Variants in ZNF587 observed in about 807,000 individuals in gnomAD.
ZNF587 encodes zinc finger protein 587.
ZNF587 carries 8 observed loss-of-function variants against 7.5 expected under a neutral mutation model. That is an observed-to-expected ratio of 1.06 (90% CI 0.62 to 1.92). The LOEUF (loss-of-function observed/expected upper bound fraction) is 1.92, where lower values mean the gene tolerates loss of function less well. Ranked by LOEUF, ZNF587 falls within the 40% of genes most tolerant of loss-of-function variation. The pLI, the probability that ZNF587 is intolerant of heterozygous loss-of-function variation, is 0.00. For synonymous variants in ZNF587, 145 were observed against 237.8 expected, an observed-to-expected ratio of 0.61 and a Z score of 3.59; for missense variants, 468 against 692.8, an observed-to-expected ratio of 0.68 and a Z score of 3.64.
chr19:57,860,442 T>C lies in ZNF587; in HGVS notation c.*302T>C, dbSNP rs989552607. On this transcript the variant is annotated 3_prime_UTR_variant, in exon 3 of 3. Transcript: ENST00000339656. ...CACCACCACGCCCAGCTAATTTTTG[T>C]GTTTTTAGTGGAGATGGGGTTTTAC... 1 of 425,450 alleles carries C rather than the reference T, an allele frequency of 2.4e-6. No individual in the cohort carries two copies. Among genetic ancestry groups the C allele is most frequent in the Non-Finnish European group, 4.2e-6 (1 of 235,446 alleles). 26.4% of individuals were successfully genotyped at this position (425,450 alleles called of 1,614,324 possible). A position where few individuals can be genotyped will look rare whatever the true frequency, so the allele number is the denominator to read the frequency against.
At chr19:57,851,922 T>G (rs1163905405) in intron 1 of ZNF587, 1 of 160,634 alleles carries the variant, frequency 6.2e-6, no homozygotes, top group Non-Finnish European at 1.4e-5. Flanking sequence ...CAACCAGCCT[T>G]AGGGTTACCT....
intron 1 of ZNF587, 29 bp from the exon 2 acceptor site, chr19:57,856,075 G>A (rs754120180): frequency 6.2e-7 from 1 of 1,612,312 alleles, no homozygotes; most frequent in Non-Finnish European, 8.5e-7. Context: ...CAGAGGGGCT[G>A]CTTGTGGTTT....
In ZNF587 at chr19:57,859,733, T is replaced by G. The variant is rs752033029; in HGVS notation, c.1321T>G (p.Cys441Gly). 6.2e-7 allele frequency: 1 copy of G among 1,613,750 alleles called. No individual in the cohort carries two copies. The highest frequency in any genetic ancestry group is 8.5e-7 in the Non-Finnish European group (1 of 1,179,902). Reference sequence around the variant, plus strand: ...GGAAAGACCTTACAATTGTAGGGAATGTGGGAAATTATTTAACAGGAAGTA... The same window carrying G: ...GGAAAGACCTTACAATTGTAGGGAAGGTGGGAAATTATTTAACAGGAAGTA... ...TGERPYNCRECGKLFNRKYHL... is the reference protein window; with the variant it reads ...TGERPYNCREGGKLFNRKYHL... The change falls in exon 3 of 3, where the codon TGT becomes GGT. Residue 441 changes from cysteine to glycine, a missense_variant. Physicochemically the swap from Cys to Gly is radical, Grantham distance 159. Transcript: ENST00000339656.
Position 57,858,561 on chromosome 19 carries a change from T to C in ZNF587, c.164-15T>C. The C allele has an allele frequency of 6.2e-7, 1 of 1,603,934 alleles. No homozygotes were observed. The highest frequency in any genetic ancestry group is 8.5e-7 in the Non-Finnish European group (1 of 1,173,682). On this transcript the variant is annotated splice_polypyrimidine_tract_variant and intron_variant, in intron 2 of 2. Coordinates refer to ENST00000339656, the MANE Select transcript of ZNF587 (RefSeq NM_032828.4). ...GGAGGTACTTTGCACTTGACCAGCA[T>C]TTTCTTGCTTTCAGGTTGTTGGTGT...
Position 57,860,074 on chromosome 19 carries a change from A to G in ZNF587, c.1662A>G (p.Gly554=), listed in dbSNP as rs2071415277. The change falls in exon 3 of 3, where the codon GGA becomes GGG. Residue 554 remains glycine (G), a synonymous_variant. Transcript: ENST00000339656. Reference sequence around the variant, plus strand: ...GGCCTTATGAATGCACCAAATGTGGAAAAACATTTCAGCGAAGCTCTACCC... The same window carrying G: ...GGCCTTATGAATGCACCAAATGTGGGAAAACATTTCAGCGAAGCTCTACCC... ...GERPYECTKC[G]KTFQRSSTLL... 2 of 1,613,518 alleles carry G rather than the reference A, an allele frequency of 1.2e-6. No homozygotes were observed. Among genetic ancestry groups the G allele is most frequent in the Non-Finnish European group, 1.7e-6 (2 of 1,179,444 alleles).
At chr19:57,858,476 T>C in intron 2 of ZNF587, 100 bp from the exon 3 acceptor site, 2 of 1,513,180 alleles carry the variant, frequency 1.3e-6, no homozygotes, top group Non-Finnish European at 1.8e-6. Context: ...TGCAAATATT[T>C]CTATAGATTA....
At chr19:57,856,839 CA>C (rs1374009861) in intron 2 of ZNF587, among the ~76,000 whole-genome samples, 27 of 152,074 alleles carry the variant, frequency 1.8e-4, no homozygotes, top group Admixed American at 5.2e-4. Flanking sequence ...GGTGACTGTC[CA>C]AATCGGTAGC....
rs757891299 is a variant in ZNF587 at position 57,859,636 on chromosome 19, T to A, written c.1224T>A (p.Tyr408Ter). 3.7e-6 allele frequency: 6 copies of A among 1,613,954 alleles called. No homozygotes were observed. Among genetic ancestry groups the A allele is most frequent in the Non-Finnish European group, 5.1e-6 (6 of 1,180,036 alleles). ...HQRGHTGERP[Y>*]ECKECGKSFR... is the part of the protein sequence containing the mutation. ...GAGGTCATACTGGAGAAAGGCCCTATGAGTGCAAGGAATGTGGGAAATCAT... is the reference window on the plus strand; with the variant it reads ...GAGGTCATACTGGAGAAAGGCCCTAAGAGTGCAAGGAATGTGGGAAATCAT... The change falls in exon 3 of 3, where the codon TAT (tyrosine) becomes TAA (stop). Residue 408 changes from tyrosine (Y) to a stop codon, truncating the protein, a stop_gained. Transcript: ENST00000339656. LOFTEE classifies it low-confidence loss of function (END_TRUNC).
At position 57,850,061 on chromosome 19, in the gene ZNF587, G is replaced by A. The variant is rs112900689; in HGVS notation, c.23G>A (p.Arg8His). Reference protein sequence around the residue: MAAAVPRRPTQQGTVTFE... With the variant: MAAAVPRHPTQQGTVTFE... ...CCGATGGCAGCGGCTGTGCCGAGGC[G>A]CCCAACTCAGGTAATTGTGGTGCCT... Residue 8 changes from arginine (R) to histidine (H), a missense_variant, in exon 1 of 3, where the codon CGC becomes CAC. Physicochemically the swap from Arg to His is conservative, Grantham distance 29. This residue lies in a region of ZNF587 where 92 missense variants were observed against 89.7 expected (regional missense o/e 1.03). Coordinates refer to ENST00000339656, the MANE Select transcript of ZNF587 (RefSeq NM_032828.4). The A allele has an allele frequency of 2.5e-6, 4 of 1,614,268 alleles. 1 individual carries two copies. The highest frequency in any genetic ancestry group is 2.2e-5 in the East Asian group (1 of 44,880).
In ZNF587 at chr19:57,852,840, C is replaced by CTTTTTTTTTTTTTTTTT. The variant is rs35543941; in HGVS notation, c.33+2783_33+2799dup. 2.8e-4 allele frequency among the ~76,000 whole-genome samples: 7 copies of CTTTTTTTTTTTTTTTTT among 25,284 alleles called. 2 individuals are homozygous for CTTTTTTTTTTTTTTTTT. The highest frequency in any genetic ancestry group is 1.3e-3 in the African/African-American group (7 of 5,336). The allele number at this position is 25,284 out of a possible 152,430, so 16.6% of individuals were successfully genotyped here. The stretch of plus-strand genomic sequence containing the variant: ...AATGCGCCCAGCCGAGACAGCTAGG[C>CTTTTTTTTTTTTTTTTT]TTTTTTTTTTTTTTTTTTTTTTTTT... On this transcript the variant is annotated intron_variant, in intron 1 of 2. Coordinates refer to ENST00000339656, the MANE Select transcript of ZNF587 (RefSeq NM_032828.4).
At chr19:57,858,493 C>A in intron 2 of ZNF587, 83 bp from the exon 3 acceptor site, 1 of 1,525,798 alleles carries the variant, frequency 6.6e-7, no homozygotes, top group Non-Finnish European at 8.8e-7. Context: ...ATTAATTCCT[C>A]AATTTGTGAG....
At chr19:57,852,599 C>A (rs1421505600) in intron 1 of ZNF587, among the ~76,000 whole-genome samples, 1 of 150,804 alleles carries the variant, frequency 6.6e-6, no homozygotes, top group East Asian at 1.9e-4. Flanking sequence ...CAATCTTGGG[C>A]TCACTGGAGC....
rs146642070 is a variant in ZNF587 at position 57,859,597 on chromosome 19, C to T, written c.1185C>T (p.Leu395=). Residue 395 remains leucine, a synonymous_variant, in exon 3 of 3, where the codon CTC becomes CTT. Coordinates refer to ENST00000339656, the MANE Select transcript of ZNF587 (RefSeq NM_032828.4). ...CGKSFGQKGN[L]VHHQRGHTGE... ...AATCTTTTGGTCAAAAGGGCAACCT[C>T]GTTCACCATCAGCGAGGTCATACTG... is the stretch of plus-strand genomic sequence containing the variant. 212 of 1,613,714 alleles carry T rather than the reference C, an allele frequency of 1.3e-4. No individual in the cohort carries two copies. Among genetic ancestry groups the T allele is most frequent in the Non-Finnish European group, 1.6e-4 (187 of 1,179,990 alleles).
At chr19:57,855,398 G>A (rs1262220236) in intron 1 of ZNF587, among the ~76,000 whole-genome samples, 2 of 152,070 alleles carry the variant, frequency 1.3e-5, no homozygotes, top group Non-Finnish European at 2.9e-5. Context: ...GAGAGGGGCT[G>A]AAGGTTGGGG....
At chr19:57,850,096 T>G (rs1443221284) in intron 1 of ZNF587, 25 bp downstream of exon 1, 6 of 1,614,080 alleles carry the variant, frequency 3.7e-6, no homozygotes, top group East Asian at 2.2e-5. Context: ...TTCTGTGCCC[T>G]CAGGTCACCC....
At chr19:57,855,479 G>A (rs533807774) in intron 1 of ZNF587, among the ~76,000 whole-genome samples, 37 of 152,004 alleles carry the variant, frequency 2.4e-4, no homozygotes, top group South Asian at 4.2e-4. Context: ...TAATGAGAGC[G>A]AGGTTGTCTG....
chr19:57,855,530 A>C (rs2071341410), intron 1 of ZNF587, among the ~76,000 whole-genome samples: 1 of 149,302 alleles, frequency 6.7e-6, no homozygotes, highest in Non-Finnish European at 1.5e-5. Flanking sequence ...GTGACCTTGG[A>C]TATCGCTGTT....
chr19:57,858,319 G>T (rs961011800), intron 2 of ZNF587: 32 of 557,840 alleles, frequency 5.7e-5, no homozygotes, highest in Non-Finnish European at 2.1e-5. Context: ...TAGAGATGGG[G>T]TTTCACCATG....
At position 57,859,837 on chromosome 19, in the gene ZNF587, T is replaced by G. The variant is rs1430995423; in HGVS notation, c.1425T>G (p.Asn475Lys). 2 of 1,613,530 alleles carry G rather than the reference T, an allele frequency of 1.2e-6. No homozygotes were observed. The highest frequency in any genetic ancestry group is 1.7e-6 in the Non-Finnish European group (2 of 1,179,898). The change falls in exon 3 of 3, where the codon AAT (asparagine) becomes AAG (lysine). Residue 475 changes from asparagine to lysine, a missense_variant. Around this residue, in one of 5 missense-constraint regions of ZNF587, gnomAD observed 310 missense variants for 325.6 expected, o/e 0.95. Transcript: ENST00000339656. ...ACEVCGKLFG[N>K]KHSVTIHQRI... ...AGGTATGTGGGAAATTATTTGGCAA[T>G]AAGCACAGCGTGACTATACATCAGA...
Sources: allele counts gnomAD v4.1 joint callset (sites outside exome capture counted in the v4.1 genomes callset), GRCh38; gene constraint gnomAD v4.1.1; regional missense constraint gnomAD v4.1.1; transcripts MANE v1.5; gene names NCBI Gene and HGNC (gene_info 2026-07-23, HGNC 2026-07-21).